The following C1orf185 variants were observed in gnomAD, a reference collection of about 807,000 sequenced individuals.
C1orf185 encodes the protein chromosome 1 open reading frame 185.
In C1orf185, 13 loss-of-function variants were observed where a neutral mutation model predicts 16.1. That is an observed-to-expected ratio of 0.81 (90% confidence interval 0.53 to 1.28). C1orf185 has a LOEUF of 1.28. Ranked by LOEUF, C1orf185 falls within the 50% of genes most tolerant of loss-of-function variation. C1orf185 has a pLI of 0.00. For missense variants in C1orf185, 220 were observed against 225.2 expected, an observed-to-expected ratio of 0.98 and a Z score of 0.15; for synonymous variants, 80 against 76.9, an observed-to-expected ratio of 1.04 and a Z score of -0.21.
At chr1:51,133,833 C>T (rs929835664) in intron 3 of C1orf185, among the ~76,000 whole-genome samples, 2 of 152,228 alleles carry the variant, frequency 1.3e-5, no homozygotes, top group African/African-American at 4.8e-5. Flanking sequence ...GGCACAGTTG[C>T]TCATGCCTGT....
chr1:51,121,023 G>A (rs1209323833), intron 3 of C1orf185, among the ~76,000 whole-genome samples: 2 of 152,096 alleles, frequency 1.3e-5, no homozygotes, highest in Non-Finnish European at 2.9e-5. Flanking sequence ...ACAACATGAT[G>A]TTTTGAAATA....
Position 51,112,726 on chromosome 1 carries a change from C to A in C1orf185, c.122+157C>A, listed in dbSNP as rs191512146. ...CTTTGGTTGGGGACGGAAGGCTTTA[C>A]ATTTTTTAAGTAGCCTGAAAAAAGA... On this transcript the variant is annotated intron_variant, in intron 2 of 4. Coordinates refer to ENST00000371759, the MANE Select transcript of C1orf185 (RefSeq NM_001136508.2). Among the ~76,000 whole-genome samples the A allele has an allele frequency of 3.2e-3, 481 of 151,794 alleles. 1 individual carries two copies. The highest frequency in any genetic ancestry group is 5.5e-3 in the Non-Finnish European group (373 of 67,942).
intron 3 of C1orf185, among the ~76,000 whole-genome samples, chr1:51,136,765 A>G (rs1031254211): frequency 1.3e-5 from 2 of 152,186 alleles, no homozygotes; most frequent in African/African-American, 4.8e-5. Context: ...AAGACGGATT[A>G]AAGACTTAAA....
At chr1:51,130,192 C>T (rs1646272796) in intron 3 of C1orf185, among the ~76,000 whole-genome samples, 1 of 152,010 alleles carries the variant, frequency 6.6e-6, no homozygotes. Context: ...GAATAAATGC[C>T]CAGGAATGCA....
chr1:51,138,916 G>A (rs561343458), intron 3 of C1orf185, among the ~76,000 whole-genome samples: 2 of 151,998 alleles, frequency 1.3e-5, no homozygotes, highest in African/African-American at 4.8e-5. Context: ...TTGAACTCCT[G>A]ACCTCAAGTG....
chr1:51,103,941 T>C (rs1428441805), intron 1 of C1orf185, among the ~76,000 whole-genome samples: 1 of 152,208 alleles, frequency 6.6e-6, no homozygotes, highest in African/African-American at 2.4e-5. Flanking sequence ...ATCCATCCAA[T>C]ATAATAAGTA....
chr1:51,147,453 A>G lies in C1orf185; in HGVS notation c.296-14A>G. On this transcript the variant is annotated splice_polypyrimidine_tract_variant and intron_variant, in intron 4 of 4. Coordinates refer to ENST00000371759, the MANE Select transcript of C1orf185 (RefSeq NM_001136508.2). ...TGTGAATATATAATATTCATAGTAA[A>G]TCTGTTTTTACAGCAATTAAAGATC... is the stretch of plus-strand genomic sequence containing the variant. 1 of 1,496,804 alleles carries G rather than the reference A, an allele frequency of 6.7e-7. No individual in the cohort carries two copies. The highest frequency in any genetic ancestry group is 8.9e-7 in the Non-Finnish European group (1 of 1,120,956). The allele number at this position is 1,496,804 out of a possible 1,614,324, so 92.7% of individuals were successfully genotyped here.
rs935829973 is a variant in C1orf185 at position 51,147,563 on chromosome 1, T to C, written c.392T>C (p.Val131Ala). The C allele has an allele frequency of 2.6e-6, 4 of 1,551,592 alleles. No individual in the cohort carries two copies. Among genetic ancestry groups the C allele is most frequent in the Middle Eastern group, 1.7e-4 (1 of 5,992 alleles). ...ETSSTTNRSS[V>A]TLSLSTLPSD... ...AGCTCCACAACAAATCGCAGCAGTG[T>C]TACATTAAGCTTATCAACATTACCA... The change falls in exon 5 of 5, where the codon GTT becomes GCT. Residue 131 changes from valine (V) to alanine (A), a missense_variant. Transcript: ENST00000371759.
intron 1 of C1orf185, among the ~76,000 whole-genome samples, chr1:51,102,636 A>G (rs1050443883): frequency 4.0e-5 from 6 of 151,862 alleles, no homozygotes; most frequent in Non-Finnish European, 8.8e-5. Flanking sequence ...AATATTATTT[A>G]TTTATGCCTT....
chr1:51,131,613 A>G (rs908064141), intron 3 of C1orf185, among the ~76,000 whole-genome samples: 3 of 152,188 alleles, frequency 2.0e-5, no homozygotes, highest in African/African-American at 7.2e-5. Context: ...ATCTCTAGCA[A>G]AAAGAAAGAG....
At chr1:51,149,441 C>T (rs1646419804), downstream of C1orf185, among the ~76,000 whole-genome samples, 1 of 152,194 alleles carries the variant, frequency 6.6e-6, no homozygotes, top group East Asian at 1.9e-4. Flanking sequence ...TCTAGCACAT[C>T]TATTGCTATC....
intron 4 of C1orf185, among the ~76,000 whole-genome samples, chr1:51,146,283 AC>A (rs1350631496): frequency 1.3e-5 from 2 of 152,058 alleles, no homozygotes. Context: ...ATATGGTGAA[AC>A]CCTGTCTCTA....
intron 2 of C1orf185, among the ~76,000 whole-genome samples, 163 bp from the exon 3 acceptor site, chr1:51,118,503 T>C (rs1175803773): frequency 1.3e-5 from 2 of 152,246 alleles, no homozygotes; most frequent in Middle Eastern, 6.8e-3. Context: ...ATCTAACATA[T>C]GAGTAGGGAG....
At chr1:51,120,512 A>G (rs940053118) in intron 3 of C1orf185, among the ~76,000 whole-genome samples, 3 of 152,230 alleles carry the variant, frequency 2.0e-5, no homozygotes, top group Admixed American at 6.5e-5. Flanking sequence ...CAATTCTACT[A>G]TTATTTTTAC....
intron 1 of C1orf185, among the ~76,000 whole-genome samples, chr1:51,112,102 T>A (rs1057486458): frequency 2.6e-5 from 4 of 151,854 alleles, no homozygotes; most frequent in African/African-American, 9.7e-5. Flanking sequence ...AAAAGTCTTA[T>A]GTTGGAGGCC....
chr1:51,102,290 G>A, intron 1 of C1orf185, 41 bp downstream of exon 1: 1 of 708,786 alleles, frequency 1.4e-6, no homozygotes, highest in Non-Finnish European at 2.6e-6. Flanking sequence ...TTTTGCCTGG[G>A]AAGAAGAGGA....
intron 1 of C1orf185, among the ~76,000 whole-genome samples, chr1:51,106,870 GCCTCAGC>G (rs1337557877): frequency 1.3e-5 from 2 of 151,038 alleles, no homozygotes; most frequent in Non-Finnish European, 2.9e-5. Flanking sequence ...CGACTCCCCT[GCCTCAGC>G]CTCCCGAGTA....
chr1:51,150,069 T>C (rs72894413), downstream of C1orf185, among the ~76,000 whole-genome samples: 1,778 of 152,320 alleles, frequency 0.012, 35 homozygotes, highest in African/African-American at 0.041. Context: ...GAAAGACCTT[T>C]GTTTCTATTC....
chr1:51,103,317 G>A (rs920733101), intron 1 of C1orf185, among the ~76,000 whole-genome samples: 2 of 151,204 alleles, frequency 1.3e-5, no homozygotes, highest in Admixed American at 1.3e-4. Flanking sequence ...GAGGTGGGAG[G>A]ATCAGCTGGG....
Sources: allele counts gnomAD v4.1 joint callset (sites outside exome capture counted in the v4.1 genomes callset), GRCh38; gene constraint gnomAD v4.1.1; transcripts MANE v1.5; gene names NCBI Gene and HGNC (gene_info 2026-07-23, HGNC 2026-07-21).